Variants in FHL2 observed in about 807,000 individuals in gnomAD.
FHL2 encodes the protein four and a half LIM domains protein 2.
A neutral mutation model predicts 32.7 loss-of-function variants in FHL2; 20 were observed. The observed-to-expected ratio is 0.61, with a 90% CI of 0.43 to 0.89. The LOEUF (loss-of-function observed/expected upper bound fraction) is 0.89, where lower values mean the gene tolerates loss of function less well. Ranked by LOEUF, FHL2 falls within the 40% of genes least tolerant of loss-of-function variation. The pLI is 0.00. For missense variants in FHL2, 311 were observed against 358.6 expected (o/e 0.87, Z 1.07); for synonymous variants, 123 against 128.1 (o/e 0.96, Z 0.27).
intron 1 of FHL2, among the ~76,000 whole-genome samples, chr2:105,433,929 C>T (rs537736931): frequency 1.3e-5 from 2 of 152,222 alleles, no homozygotes; most frequent in East Asian, 3.9e-4. Flanking sequence ...CAAAAGAGAA[C>T]AAAGAGAAGT....
chr2:105,389,520 G>T (rs7557817), intron 2 of FHL2, among the ~76,000 whole-genome samples: 1 of 152,042 alleles, frequency 6.6e-6, no homozygotes, highest in African/African-American at 2.4e-5. Context: ...AAATAAGAAC[G>T]ATGAAAGGAC....
At chr2:105,377,965 A>G (rs766271234) in intron 3 of FHL2, 6 of 442,866 alleles carry the variant, frequency 1.4e-5, no homozygotes, top group Admixed American at 2.6e-5. Flanking sequence ...GAGAAATACA[A>G]TTTCTAGAAA....
intron 1 of FHL2, among the ~76,000 whole-genome samples, chr2:105,433,375 T>G (rs1402100544): frequency 6.6e-6 from 1 of 152,040 alleles, no homozygotes; most frequent in Non-Finnish European, 1.5e-5. Flanking sequence ...AGAGGCAGGG[T>G]TTCCCCGTGC....
intron 4 of FHL2, among the ~76,000 whole-genome samples, chr2:105,369,927 C>G (rs918468854): frequency 6.6e-6 from 1 of 152,306 alleles, no homozygotes; most frequent in Admixed American, 6.5e-5. Context: ...TCAGGCATGG[C>G]GACAGCAGTG....
chr2:105,421,752 T>C (rs1480455223), intron 1 of FHL2, among the ~76,000 whole-genome samples: 4 of 152,224 alleles, frequency 2.6e-5, no homozygotes, highest in African/African-American at 9.6e-5. Context: ...CCCAGCCTCA[T>C]GACACTGATA....
At chr2:105,411,704 G>C (rs189703885) in intron 1 of FHL2, among the ~76,000 whole-genome samples, 55 of 151,886 alleles carry the variant, frequency 3.6e-4, no homozygotes, top group Admixed American at 2.9e-3. Context: ...ATTGGGCATG[G>C]TGGTGAGCTC....
intron 1 of FHL2, among the ~76,000 whole-genome samples, chr2:105,404,515 C>T (rs574752879): frequency 2.6e-5 from 4 of 152,254 alleles, no homozygotes; most frequent in African/African-American, 9.6e-5. Context: ...TGCCCGGATC[C>T]AGCAGGGAAG....
rs1219681089 is a variant in FHL2 at position 105,399,020 on chromosome 2, G to T, written c.-254C>A. The T allele has an allele frequency of 5.4e-6, 8 of 1,494,252 alleles. No homozygotes were observed. Among genetic ancestry groups the T allele is most frequent in the Non-Finnish European group, 7.1e-6 (8 of 1,125,066 alleles). 92.6% of individuals were successfully genotyped at this position (1,494,252 alleles called of 1,614,324 possible). A position where few individuals can be genotyped will look rare whatever the true frequency, so the allele number is the denominator to read the frequency against. ...CGGACGGGGCTGGAGGGCGCGGGCG[G>T]CTGGTGGCTGCGGCTCCGCTGCCGG... On this transcript the variant is annotated 5_prime_UTR_variant, in exon 1 of 7. Coordinates refer to ENST00000530340, the MANE Select transcript of FHL2 (RefSeq NM_001318895.3).
At chr2:105,408,456 C>A (rs1683701035) in intron 1 of FHL2, among the ~76,000 whole-genome samples, 2 of 152,170 alleles carry the variant, frequency 1.3e-5, no homozygotes, top group African/African-American at 2.4e-5. Flanking sequence ...AGACTGGAAC[C>A]AGCACTTTGG....
chr2:105,391,090 C>T (rs1163078371), intron 2 of FHL2, among the ~76,000 whole-genome samples: 1 of 151,940 alleles, frequency 6.6e-6, no homozygotes. Flanking sequence ...GCCTTGGCCT[C>T]CTAAAGTGCT....
intron 1 of FHL2, among the ~76,000 whole-genome samples, chr2:105,432,674 A>G (rs902037830): frequency 6.6e-6 from 1 of 151,076 alleles, no homozygotes; most frequent in African/African-American, 2.4e-5. Flanking sequence ...GCACACACAG[A>G]CACACGCAGA....
upstream of FHL2, chr2:105,399,369 C>T (rs1427675419): frequency 2.6e-6 from 4 of 1,535,884 alleles, no homozygotes; most frequent in Non-Finnish European, 3.5e-6. Context: ...ACGCCGGGAT[C>T]TCTGCCTGGT....
intron 1 of FHL2, among the ~76,000 whole-genome samples, chr2:105,412,112 G>A (rs1683811677): frequency 6.6e-6 from 1 of 152,228 alleles, no homozygotes; most frequent in African/African-American, 2.4e-5. Flanking sequence ...AGCAGGGTTT[G>A]GAAGAAATAC....
intron 2 of FHL2, among the ~76,000 whole-genome samples, chr2:105,394,309 A>G (rs1265591183): frequency 6.6e-6 from 1 of 152,002 alleles, no homozygotes; most frequent in East Asian, 1.9e-4. Context: ...CCCTAAAGAG[A>G]GAGGATCTCT....
At chr2:105,387,469 T>G (rs1485882372) in intron 2 of FHL2, among the ~76,000 whole-genome samples, 1 of 152,210 alleles carries the variant, frequency 6.6e-6, no homozygotes, top group Non-Finnish European at 1.5e-5. Context: ...AAGATCATCC[T>G]GCAGCTGCCC....
At chr2:105,398,176 A>T (rs1037465350) in intron 1 of FHL2, among the ~76,000 whole-genome samples, 1 of 152,178 alleles carries the variant, frequency 6.6e-6, no homozygotes, top group Non-Finnish European at 1.5e-5. Flanking sequence ...TTAAAACCCG[A>T]CTGAGGATAT....
chr2:105,409,120 A>G (rs894157131), intron 1 of FHL2, among the ~76,000 whole-genome samples: 4 of 152,248 alleles, frequency 2.6e-5, no homozygotes, highest in African/African-American at 7.2e-5. Flanking sequence ...AGGGAACCTC[A>G]GAGACCAGTT....
intron 1 of FHL2, among the ~76,000 whole-genome samples, chr2:105,429,692 G>A (rs1684369827): frequency 6.6e-6 from 1 of 152,172 alleles, no homozygotes; most frequent in African/African-American, 2.4e-5. Context: ...AAGACAGTAA[G>A]TTTATGGTAA....
At chr2:105,417,684 CAAAA>C (rs11353319) in intron 1 of FHL2, among the ~76,000 whole-genome samples, 4 of 89,378 alleles carry the variant, frequency 4.5e-5, no homozygotes, top group Non-Finnish European at 6.5e-5. Flanking sequence ...ACTCCATCTC[CAAAA>C]AAAAAAAAAA....
Sources: allele counts gnomAD v4.1 joint callset (sites outside exome capture counted in the v4.1 genomes callset), GRCh38; gene constraint gnomAD v4.1.1; transcripts MANE v1.5; gene names NCBI Gene and HGNC (gene_info 2026-07-23, HGNC 2026-07-21).